ASPSCR1: variants seen among roughly 807,000 people sequenced by gnomAD.
ASPSCR1 encodes the protein ASPSCR1 tether for SLC2A4, UBX domain containing, also known as tether containing UBX domain for GLUT4.
A neutral mutation model predicts 68.9 loss-of-function variants in ASPSCR1; 55 were observed. That is an observed-to-expected ratio of 0.80 (90% CI 0.64 to 1.00). The LOEUF is 1.00. Ranked by LOEUF, ASPSCR1 falls within the 50% of genes least tolerant of loss-of-function variation. ASPSCR1 has a pLI of 0.00. For synonymous variants in ASPSCR1, 352 were observed against 332.6 expected, an observed-to-expected ratio of 1.06 and a Z score of -0.63; for missense variants, 765 against 762.2, an observed-to-expected ratio of 1.00 and a Z score of -0.04.
chr17:82,016,353 G>T, intron 12 of ASPSCR1, 123 bp from the exon 13 acceptor site: 2 of 868,660 alleles, frequency 2.3e-6, no homozygotes, highest in Non-Finnish European at 3.5e-6. Context: ...GGCTCATGGG[G>T]GCCGGGCAGG....
chr17:81,998,372 G>A (rs959047498), intron 7 of ASPSCR1, among the ~76,000 whole-genome samples: 5 of 152,142 alleles, frequency 3.3e-5, no homozygotes, highest in African/African-American at 1.2e-4. Flanking sequence ...GGTTTCTGTC[G>A]GGGCCTCTGC....
intron 12 of ASPSCR1, chr17:82,015,487 C>T (rs926284431): frequency 7.4e-6 from 9 of 1,223,494 alleles, no homozygotes; most frequent in African/African-American, 3.0e-5. Context: ...CTGTGCGTCC[C>T]GTGGGGCAGT....
chr17:81,988,212 A>G (rs1161964958), intron 4 of ASPSCR1, among the ~76,000 whole-genome samples: 4 of 148,102 alleles, frequency 2.7e-5, no homozygotes, highest in African/African-American at 1.0e-4. Flanking sequence ...TGTAATTCCA[A>G]CCCTTTGGGA....
intron 4 of ASPSCR1, among the ~76,000 whole-genome samples, chr17:81,993,125 G>T (rs2144033929): frequency 6.6e-6 from 1 of 152,226 alleles, no homozygotes; most frequent in East Asian, 1.9e-4. Context: ...TGTCGGGGCT[G>T]GGCCTGTCCT....
chr17:81,998,324 TTGAC>T (rs1408684903), intron 7 of ASPSCR1, among the ~76,000 whole-genome samples: 12 of 152,170 alleles, frequency 7.9e-5, no homozygotes, highest in Non-Finnish European at 1.8e-4. Flanking sequence ...TGTTACATCT[TTGAC>T]TGGCTGACTC....
In ASPSCR1 at chr17:82,009,116, C is replaced by T. The variant is rs760855334; in HGVS notation, c.1013C>T (p.Ala338Val). Residue 338 changes from alanine (A) to valine (V), a missense_variant, in exon 8 of 16, where the codon GCG becomes GTG. Coordinates refer to ENST00000306739, the MANE Select transcript of ASPSCR1 (RefSeq NM_024083.4). The stretch of plus-strand genomic sequence containing the variant: ...GAGGAGCGGCTGCAGGCCTGGCCAG[C>T]GGAGCTGCCTGATGAGTTCTTTGAG... ...DLEERLQAWP[A>V]ELPDEFFELT... 5.0e-6 allele frequency: 8 copies of T among 1,601,408 alleles called. No homozygotes were observed. Among genetic ancestry groups the T allele is most frequent in the South Asian group, 2.2e-5 (2 of 89,380 alleles).
At chr17:82,008,911 G>A (rs867813647) in intron 7 of ASPSCR1, 126 bp from the exon 8 acceptor site, 13 of 1,312,328 alleles carry the variant, frequency 9.9e-6, no homozygotes, top group African/African-American at 9.3e-5. Flanking sequence ...TGCGCTGGCC[G>A]GGGCCAGGGA....
intron 11 of ASPSCR1, 171 bp from the exon 12 acceptor site, chr17:82,012,060 A>T: frequency 1.2e-6 from 1 of 837,934 alleles, no homozygotes; most frequent in Non-Finnish European, 2.0e-6. Context: ...GGCCCTTCCG[A>T]GCCCTCAGCT....
intron 12 of ASPSCR1, among the ~76,000 whole-genome samples, 199 bp downstream of exon 12, chr17:82,012,482 T>A (rs920591021): frequency 1.3e-5 from 2 of 152,158 alleles, no homozygotes; most frequent in African/African-American, 4.8e-5. Flanking sequence ...CTCCTCTGCT[T>A]CCTGCCTGGC....
chr17:82,016,084 G>T (rs2043115824), intron 12 of ASPSCR1: 1 of 212,826 alleles, frequency 4.7e-6, no homozygotes, highest in African/African-American at 2.3e-5. Flanking sequence ...CTGGGAGGGG[G>T]ATACCCCAGC....
Position 81,977,867 on chromosome 17 carries a change from C to G in ASPSCR1, c.102+119C>G. 1.4e-6 allele frequency: 1 copy of G among 691,902 alleles called. No individual in the cohort carries two copies. 42.9% of individuals were successfully genotyped at this position (691,902 alleles called of 1,614,324 possible). A position where few individuals can be genotyped will look rare whatever the true frequency, so the allele number is the denominator to read the frequency against. On this transcript the variant is annotated intron_variant, in intron 1 of 15. Coordinates refer to ENST00000306739, the MANE Select transcript of ASPSCR1 (RefSeq NM_024083.4). This position sits in a 1 kb window ranked among gnomAD's most constrained non-coding sequence, Gnocchi z 5.0. ...CGGGGCCTCGGCGGCCAATGAGCGG[C>G]CTCCTGAGCGGCGGCCCCGCCCCCT...
intron 4 of ASPSCR1, among the ~76,000 whole-genome samples, chr17:81,992,634 C>T (rs902816042): frequency 1.3e-5 from 2 of 152,208 alleles, no homozygotes; most frequent in Admixed American, 6.5e-5. Context: ...CCCTGTCCCC[C>T]TTCCTGGCCC....
intron 12 of ASPSCR1, chr17:82,015,544 G>A: frequency 2.6e-6 from 2 of 767,958 alleles, no homozygotes; most frequent in South Asian, 3.7e-5. Flanking sequence ...AGAACCAGGT[G>A]CCTCTCTGCA....
rs947353777 is a variant in ASPSCR1 at position 81,978,105 on chromosome 17, C to A, written c.102+357C>A. 3 of 164,548 alleles carry A rather than the reference C, an allele frequency of 1.8e-5. No homozygotes were observed. In the East Asian group the frequency reaches 5.1e-4, roughly 28 times the overall value. 10.2% of individuals were successfully genotyped at this position (164,548 alleles called of 1,614,324 possible). On this transcript the variant is annotated intron_variant, in intron 1 of 15. Coordinates refer to ENST00000306739, the MANE Select transcript of ASPSCR1 (RefSeq NM_024083.4). ...ACCCGCGTTCCCATTCCGGGGCGTC[C>A]CCCGGAGCGGGAGCCCGGGTTGCGC...
Position 82,012,220 on chromosome 17 carries a change from TCTCTC to T in ASPSCR1, c.1301-7_1301-3del, listed in dbSNP as rs1156998192. On this transcript the variant is annotated splice_region_variant and splice_polypyrimidine_tract_variant and intron_variant, in intron 11 of 15. Transcript: ENST00000306739. ...GGTGCTTCCTAACACGTAGGTGCCT[TCTCTC>T]CTCAGTCATCACCCCTCCAAAAACA... The T allele has an allele frequency of 2.5e-6, 4 of 1,613,156 alleles. No homozygotes were observed. In the South Asian group the frequency reaches 4.4e-5, roughly 18 times the overall value.
intron 5 of ASPSCR1, chr17:81,995,561 G>C: frequency 8.8e-6 from 3 of 340,092 alleles, no homozygotes; most frequent in Middle Eastern, 9.3e-4. Flanking sequence ...CAGAGTTAGC[G>C]TATGGGACGT....
At chr17:81,994,768 G>T in intron 4 of ASPSCR1, 53 bp from the exon 5 acceptor site, 1 of 1,571,310 alleles carries the variant, frequency 6.4e-7, no homozygotes. Context: ...GGCCTCCGTG[G>T]CACTGGTTGA....
At chr17:81,988,161 AAAAG>A (rs1221374929) in intron 4 of ASPSCR1, among the ~76,000 whole-genome samples, 6 of 151,390 alleles carry the variant, frequency 4.0e-5, no homozygotes, top group South Asian at 2.1e-4. Context: ...AAAAAAAAAA[AAAAG>A]AAACAACAGA....
chr17:82,012,012 A>G (rs1306978498), intron 11 of ASPSCR1: 1 of 666,424 alleles, frequency 1.5e-6, no homozygotes, highest in Non-Finnish European at 2.7e-6. Context: ...GCCGGGCTGC[A>G]CGGGTGGTGT....
Sources: allele counts gnomAD v4.1 joint callset (sites outside exome capture counted in the v4.1 genomes callset), GRCh38; gene constraint gnomAD v4.1.1; non-coding constraint Gnocchi (gnomAD v3.1); transcripts MANE v1.5; gene names NCBI Gene and HGNC (gene_info 2026-07-23, HGNC 2026-07-21).